LARGE1: variants seen among roughly 807,000 people sequenced by gnomAD.
LARGE1 encodes LARGE xylosyl- and glucuronyltransferase 1.
In LARGE1, 43 loss-of-function variants were observed where a neutral mutation model predicts 87.6. The observed-to-expected ratio is 0.49, with a 90% CI of 0.38 to 0.63. The LOEUF is 0.63. LARGE1 is among the 30% of genes least tolerant of loss of function. LARGE1 has a pLI of 0.00. For missense variants in LARGE1, 802 were observed against 1,000.2 expected (o/e 0.80, Z 2.67); for synonymous variants, 434 against 394.6 (o/e 1.10, Z -1.18).
chr22:33,410,666 A>G (rs117891816), intron 7 of LARGE1, among the ~76,000 whole-genome samples: 2,623 of 151,996 alleles, frequency 0.017, 30 homozygotes, highest in Non-Finnish European at 0.028. Flanking sequence ...ACCCAGTCTC[A>G]GGTATTTTTT....
chr22:33,209,868 C>T (rs556093368), intron 11 of LARGE1, among the ~76,000 whole-genome samples: 61 of 152,248 alleles, frequency 4.0e-4, no homozygotes, highest in Non-Finnish European at 8.1e-4. Context: ...GGGCTGGTCT[C>T]GAACTCCTGG....
At chr22:33,104,448 C>A in the LARGE1 span, among the ~76,000 whole-genome samples, 1 of 152,156 alleles carries the variant, frequency 6.6e-6, no homozygotes, top group Non-Finnish European at 1.5e-5. Context: ...ATGGAGGGGA[C>A]CTTGTGGCCC....
chr22:33,763,508 C>T (rs568313865), intron 1 of LARGE1, among the ~76,000 whole-genome samples: 1 of 152,298 alleles, frequency 6.6e-6, no homozygotes, highest in African/African-American at 2.4e-5. Flanking sequence ...CCTACGTACA[C>T]ATTCCACCAG....
At chr22:33,740,727 C>A (rs1028451216) in intron 2 of LARGE1, among the ~76,000 whole-genome samples, 1 of 152,206 alleles carries the variant, frequency 6.6e-6, no homozygotes, top group African/African-American at 2.4e-5. Flanking sequence ...GCAAACCAAA[C>A]CACTATGGAG....
intron 14 of LARGE1, among the ~76,000 whole-genome samples, chr22:33,276,809 A>G (rs1929396334): frequency 1.3e-5 from 2 of 152,204 alleles, no homozygotes; most frequent in South Asian, 4.1e-4. Flanking sequence ...GAGGATGAGA[A>G]GATGAAATGG....
intron 12 of LARGE1, among the ~76,000 whole-genome samples, chr22:33,289,122 C>A (rs1408515509): frequency 6.6e-6 from 1 of 152,082 alleles, no homozygotes; most frequent in Non-Finnish European, 1.5e-5. Context: ...CCACACCCAG[C>A]TAATTTTTTG....
chr22:33,145,089 G>A, the LARGE1 span, among the ~76,000 whole-genome samples: 5 of 152,082 alleles, frequency 3.3e-5, no homozygotes, highest in African/African-American at 7.2e-5. Context: ...GGGCCCTGAC[G>A]GGGGAGGAGA....
At chr22:33,823,728 G>A (rs1390237803) in intron 1 of LARGE1, among the ~76,000 whole-genome samples, 1 of 152,164 alleles carries the variant, frequency 6.6e-6, no homozygotes, top group Non-Finnish European at 1.5e-5. Flanking sequence ...CATAGATAGT[G>A]AGGAATTTTC....
At chr22:33,623,159 C>T (rs1439284506) in intron 4 of LARGE1, among the ~76,000 whole-genome samples, 2 of 146,610 alleles carry the variant, frequency 1.4e-5, no homozygotes, top group Non-Finnish European at 3.0e-5. Flanking sequence ...TTTTTTAAAC[C>T]AGGGAGAGAC....
intron 1 of LARGE1, among the ~76,000 whole-genome samples, chr22:33,813,090 C>T (rs2086547366): frequency 6.6e-6 from 1 of 152,058 alleles, no homozygotes; most frequent in Admixed American, 6.6e-5. Context: ...CGCAGTGGCT[C>T]ACCCCTGTAA....
chr22:33,590,346 G>C (rs1285281518), intron 5 of LARGE1, among the ~76,000 whole-genome samples: 1 of 152,088 alleles, frequency 6.6e-6, no homozygotes, highest in Non-Finnish European at 1.5e-5. Context: ...AGAGTTTAAA[G>C]CATTTACGTT....
At chr22:33,343,863 G>A (rs1011444370) in intron 9 of LARGE1, among the ~76,000 whole-genome samples, 1 of 152,118 alleles carries the variant, frequency 6.6e-6, no homozygotes, top group Non-Finnish European at 1.5e-5. Context: ...ATATATAAAG[G>A]AGTTTATTAA....
chr22:33,910,754 TG>T (rs1367194175), intron 1 of LARGE1, among the ~76,000 whole-genome samples: 9 of 152,000 alleles, frequency 5.9e-5, no homozygotes, highest in East Asian at 1.9e-4. Flanking sequence ...AGAGAGAGGA[TG>T]GGGGGTTGGA....
chr22:33,602,140 C>G (rs781477664), intron 5 of LARGE1, among the ~76,000 whole-genome samples: 7 of 152,192 alleles, frequency 4.6e-5, no homozygotes, highest in Non-Finnish European at 8.8e-5. Context: ...ACTGACCCAT[C>G]TTATTTCACC....
intron 6 of LARGE1, among the ~76,000 whole-genome samples, chr22:33,547,704 G>T (rs990242381): frequency 2.1e-5 from 3 of 144,734 alleles, no homozygotes; most frequent in African/African-American, 7.6e-5. Flanking sequence ...TGAGGCAGGA[G>T]AATTGCTTGA....
intron 11 of LARGE1, among the ~76,000 whole-genome samples, chr22:33,186,473 T>C (rs907534295): frequency 3.3e-5 from 5 of 152,072 alleles, no homozygotes; most frequent in Admixed American, 1.3e-4. Context: ...CCCAGCGAAA[T>C]AGGACTAGAA....
intron 1 of LARGE1, among the ~76,000 whole-genome samples, chr22:33,821,881 T>C (rs2086833541): frequency 2.0e-5 from 3 of 150,020 alleles, no homozygotes; most frequent in South Asian, 2.2e-4. Flanking sequence ...AAAAACTTCA[T>C]GTGAAGGAAA....
chr22:33,525,538 G>A (rs967469015), intron 6 of LARGE1, among the ~76,000 whole-genome samples: 1 of 152,176 alleles, frequency 6.6e-6, no homozygotes, highest in Non-Finnish European at 1.5e-5. Context: ...TCAAGATGCA[G>A]GTCCCAGATA....
chr22:33,115,300 C>T, the LARGE1 span, among the ~76,000 whole-genome samples: 6 of 152,026 alleles, frequency 3.9e-5, no homozygotes, highest in South Asian at 4.2e-4. Context: ...AAGGCCAGGC[C>T]GGGCACAGTG....
Sources: gnomAD v4.1 joint callset for allele counts (sites outside exome capture counted in the v4.1 genomes callset) on GRCh38, gnomAD v4.1.1 for gene constraint, MANE v1.5 for transcripts, NCBI Gene and HGNC (gene_info 2026-07-23, HGNC 2026-07-21) for gene names.